Variants in EPHA6 observed in about 807,000 individuals in gnomAD.
EPHA6 encodes EPH receptor A6.
EPHA6 carries 50 observed loss-of-function variants against 112.0 expected under a neutral mutation model. That is an observed-to-expected ratio of 0.45 (90% CI 0.36 to 0.56). The LOEUF (loss-of-function observed/expected upper bound fraction) is 0.56, where lower values mean the gene tolerates loss of function less well. Ranked by LOEUF, EPHA6 falls within the 20% of genes least tolerant of loss-of-function variation. The probability of loss-of-function intolerance (pLI) is 0.00; values close to 1 mark genes in which losing one functional copy is unlikely to be tolerated. For synonymous variants in EPHA6, 529 were observed against 490.7 expected (o/e 1.08, Z -1.03); for missense variants, 1,280 against 1,417.4 (o/e 0.90, Z 1.56).
At chr3:97,176,907 A>T (rs1455527957) in intron 3 of EPHA6, among the ~76,000 whole-genome samples, 2 of 144,802 alleles carry the variant, frequency 1.4e-5, no homozygotes, top group African/African-American at 2.6e-5. Context: ...TGTGATCTTT[A>T]TTGTTTCTTC....
chr3:96,913,985 G>A (rs924099447), intron 2 of EPHA6, among the ~76,000 whole-genome samples: 8 of 152,074 alleles, frequency 5.3e-5, no homozygotes, highest in Non-Finnish European at 2.9e-5. Context: ...TTCAAGCAAA[G>A]TTTGTAGTGG....
At chr3:97,470,563 A>G (rs2091198111) in intron 7 of EPHA6, among the ~76,000 whole-genome samples, 1 of 151,746 alleles carries the variant, frequency 6.6e-6, no homozygotes, top group Admixed American at 6.6e-5. Context: ...CCTCCATAGA[A>G]GAAAATTCTT....
intron 5 of EPHA6, among the ~76,000 whole-genome samples, chr3:97,341,957 A>G (rs1014615203): frequency 3.9e-5 from 6 of 152,206 alleles, no homozygotes; most frequent in Admixed American, 1.3e-4. Flanking sequence ...GAACAAAAAA[A>G]TGTAGACATA....
intron 3 of EPHA6, among the ~76,000 whole-genome samples, chr3:97,182,917 C>T (rs79733495): frequency 0.058 from 8,752 of 152,042 alleles, 649 homozygotes; most frequent in Admixed American, 0.2. Context: ...TAGATAAAGA[C>T]AAAAATTTGT....
intron 14 of EPHA6, among the ~76,000 whole-genome samples, chr3:97,691,638 T>A (rs1197747227): frequency 6.6e-6 from 1 of 152,212 alleles, no homozygotes; most frequent in Admixed American, 6.5e-5. Flanking sequence ...GATATTATCA[T>A]AAAATTCTTG....
At chr3:97,032,262 C>T (rs1332275788) in intron 3 of EPHA6, among the ~76,000 whole-genome samples, 1 of 151,906 alleles carries the variant, frequency 6.6e-6, no homozygotes, top group African/African-American at 2.4e-5. Flanking sequence ...ACAACTTGGA[C>T]ACAGGAAGGG....
chr3:96,937,253 T>C (rs1361471981), intron 2 of EPHA6, among the ~76,000 whole-genome samples: 1 of 152,202 alleles, frequency 6.6e-6, no homozygotes, highest in Non-Finnish European at 1.5e-5. Context: ...TTTCTCCACA[T>C]CCTCTTCAGC....
At chr3:97,064,142 G>T (rs2046108732) in intron 3 of EPHA6, among the ~76,000 whole-genome samples, 1 of 152,158 alleles carries the variant, frequency 6.6e-6, no homozygotes, top group African/African-American at 2.4e-5. Flanking sequence ...AGACTGCACA[G>T]CTAAATCTAA....
rs141360703 is a variant in EPHA6, at chr3:97,426,023, C to T, written c.1731+20749C>T. 3.5e-3 allele frequency among the ~76,000 whole-genome samples: 532 copies of T among 152,270 alleles called. 8 individuals carry two copies. Among genetic ancestry groups the T allele is most frequent in the African/African-American group, 0.012 (502 of 41,548 alleles). On this transcript the variant is annotated intron_variant, in intron 6 of 17. Coordinates refer to ENST00000389672, the MANE Select transcript of EPHA6 (RefSeq NM_001080448.3). ...TTGATCAAAGCCATTCAACAAACCT[C>T]TAGGAAGTTCCAAACTTTCCCAAAT...
intron 6 of EPHA6, among the ~76,000 whole-genome samples, chr3:97,423,863 C>A (rs993521873): frequency 1.3e-5 from 2 of 152,176 alleles, no homozygotes; most frequent in African/African-American, 2.4e-5. Flanking sequence ...CTATGGCCAT[C>A]TGATCTTCTA....
chr3:97,373,714 T>C (rs1559933443), intron 5 of EPHA6, among the ~76,000 whole-genome samples: 1 of 152,136 alleles, frequency 6.6e-6, no homozygotes, highest in Admixed American at 6.6e-5. Flanking sequence ...AGAAAATATA[T>C]GATTCTGAGC....
At chr3:97,281,096 A>C (rs1469098954) in intron 5 of EPHA6, among the ~76,000 whole-genome samples, 1 of 152,194 alleles carries the variant, frequency 6.6e-6, no homozygotes, top group Non-Finnish European at 1.5e-5. Flanking sequence ...GTTAAGTGTT[A>C]TCAGATGACA....
chr3:97,344,789 A>T (rs757442733), intron 5 of EPHA6, among the ~76,000 whole-genome samples: 2 of 152,154 alleles, frequency 1.3e-5, no homozygotes, highest in Admixed American at 1.3e-4. Flanking sequence ...TGCATACTCT[A>T]ATTTGCTAAT....
intron 3 of EPHA6, among the ~76,000 whole-genome samples, chr3:97,058,282 A>G (rs1334890364): frequency 2.0e-5 from 3 of 151,782 alleles, no homozygotes; most frequent in Non-Finnish European, 4.4e-5. Context: ...ATCTAAGAGT[A>G]AGGAGTTTTT....
chr3:97,593,610 G>C (rs1011373308), intron 12 of EPHA6, among the ~76,000 whole-genome samples: 1 of 152,090 alleles, frequency 6.6e-6, no homozygotes, highest in Admixed American at 6.5e-5. Flanking sequence ...CAATGTAATG[G>C]GAACACTTCA....
At chr3:96,984,852 G>C (rs2042957616) in intron 2 of EPHA6, among the ~76,000 whole-genome samples, 1 of 152,242 alleles carries the variant, frequency 6.6e-6, no homozygotes, top group African/African-American at 2.4e-5. Context: ...TCTAAGCCAG[G>C]TGTGGGATAT....
intron 5 of EPHA6, among the ~76,000 whole-genome samples, chr3:97,272,833 G>C (rs1366116583): frequency 6.6e-6 from 1 of 152,152 alleles, no homozygotes; most frequent in Non-Finnish European, 1.5e-5. Flanking sequence ...CAGGGGATAT[G>C]ATGGCTTAGC....
intron 5 of EPHA6, among the ~76,000 whole-genome samples, chr3:97,294,841 C>A (rs901762143): frequency 3.9e-5 from 6 of 152,064 alleles, no homozygotes; most frequent in African/African-American, 1.4e-4. Context: ...TTTATTTCTC[C>A]TTCATTTATG....
At chr3:96,917,335 C>T (rs147681509) in intron 2 of EPHA6, among the ~76,000 whole-genome samples, 1 of 146,844 alleles carries the variant, frequency 6.8e-6, no homozygotes, top group East Asian at 2.0e-4. Flanking sequence ...ACAGGAATTG[C>T]TTGAACCCAG....
Sources: allele counts gnomAD v4.1 joint callset (sites outside exome capture counted in the v4.1 genomes callset), GRCh38; gene constraint gnomAD v4.1.1; transcripts MANE v1.5; gene names NCBI Gene and HGNC (gene_info 2026-07-23, HGNC 2026-07-21).